Variants in BLTP2 observed in about 807,000 individuals in gnomAD.
The protein encoded by BLTP2 is bridge-like lipid transfer protein family member 2, also known as U937-associated antigen.
the BLTP2 span, among the ~76,000 whole-genome samples, chr17:28,627,230 C>T: frequency 3.3e-5 from 5 of 152,122 alleles, no homozygotes; most frequent in Non-Finnish European, 7.3e-5. Context: ...CTGCTTTGAA[C>T]GCACTAGGCT....
At chr17:28,621,058 T>C in the BLTP2 span, 1 of 1,614,204 alleles carries the variant, frequency 6.2e-7, no homozygotes, top group African/African-American at 1.3e-5. Flanking sequence ...TCTGAGTTGC[T>C]AGTTCAGGAT....
chr17:28,642,612 C>A, the BLTP2 span: 8 of 559,292 alleles, frequency 1.4e-5, no homozygotes, highest in Admixed American at 1.5e-4. Flanking sequence ...GACCGCACCA[C>A]TGCACTCCAG....
At chr17:28,625,766 CTT>C in the BLTP2 span, among the ~76,000 whole-genome samples, 3 of 151,944 alleles carry the variant, frequency 2.0e-5, no homozygotes, top group African/African-American at 7.3e-5. Context: ...GCCCTCAATG[CTT>C]TTTTTTCTTC....
At chr17:28,623,779 C>A in the BLTP2 span, 1 of 1,614,092 alleles carries the variant, frequency 6.2e-7, no homozygotes, top group Non-Finnish European at 8.5e-7. Flanking sequence ...GAGCTGTCGG[C>A]CATCCTGCTC....
At chr17:28,645,050 G>C in the BLTP2 span, 207 of 1,599,846 alleles carry the variant, frequency 1.3e-4, no homozygotes, top group Non-Finnish European at 1.7e-4. Context: ...GAGAAGAACA[G>C]AGGCATTTAG....
chr17:28,640,368 G>A, the BLTP2 span: 40 of 587,086 alleles, frequency 6.8e-5, no homozygotes, highest in South Asian at 7.3e-4. Flanking sequence ...ACTCCAGCCT[G>A]GGCAACAGAG....
the BLTP2 span, chr17:28,635,530 A>G: frequency 6.2e-7 from 1 of 1,614,096 alleles, no homozygotes. Context: ...TCGGCACTGT[A>G]GAGTGGCCAG....
chr17:28,634,393 T>TGC, the BLTP2 span: 7 of 878,146 alleles, frequency 8.0e-6, no homozygotes, highest in Non-Finnish European at 1.1e-5. Context: ...AGCCCACCCA[T>TGC]CCCACTCCAC....
At chr17:28,628,470 T>A in the BLTP2 span, 4 of 1,614,120 alleles carry the variant, frequency 2.5e-6, no homozygotes, top group Admixed American at 6.7e-5. Context: ...AGGCAATGTC[T>A]CGATTGGTAG....
chr17:28,633,060 CAG>C, the BLTP2 span: 1 of 1,592,580 alleles, frequency 6.3e-7, no homozygotes, highest in African/African-American at 1.3e-5. Context: ...CTGGGGCCCG[CAG>C]AGTGACACTA....
chr17:28,614,806 AG>A, the BLTP2 span: 6 of 313,154 alleles, frequency 1.9e-5, no homozygotes, highest in Non-Finnish European at 3.5e-5. Flanking sequence ...CCAAGGGAAT[AG>A]GGTCCTGCCC....
the BLTP2 span, chr17:28,632,956 G>A: frequency 6.5e-7 from 1 of 1,537,356 alleles, no homozygotes; most frequent in East Asian, 2.3e-5. Context: ...ACTGTGCCGA[G>A]TCAGATCCAT....
At chr17:28,625,122 G>T in the BLTP2 span, among the ~76,000 whole-genome samples, 63 of 152,138 alleles carry the variant, frequency 4.1e-4, 1 homozygote, top group South Asian at 5.8e-3. Context: ...CAGATCACGA[G>T]GTCAGGATAT....
chr17:28,631,466 TG>T, the BLTP2 span: 1 of 1,610,970 alleles, frequency 6.2e-7, no homozygotes, highest in Non-Finnish European at 8.5e-7. Flanking sequence ...AAAGAAAGTG[TG>T]TCAGGGAGTA....
the BLTP2 span, chr17:28,645,111 C>G: frequency 6.6e-7 from 1 of 1,505,492 alleles, no homozygotes; most frequent in South Asian, 1.2e-5. Flanking sequence ...CGGGCCCCGA[C>G]GCCGGATCCG....
chr17:28,642,850 T>C, the BLTP2 span: 23 of 1,378,832 alleles, frequency 1.7e-5, no homozygotes, highest in Admixed American at 2.9e-4. Context: ...GGCTAGATCC[T>C]CTGCTCCCCA....
chr17:28,635,033 G>C, the BLTP2 span: 1 of 1,613,490 alleles, frequency 6.2e-7, no homozygotes, highest in Non-Finnish European at 8.5e-7. Flanking sequence ...GTCCCTTGAT[G>C]TAGTCCCTTC....
the BLTP2 span, chr17:28,642,191 A>G: frequency 3.2e-6 from 5 of 1,576,464 alleles, no homozygotes; most frequent in Non-Finnish European, 3.5e-6. Context: ...CTAAGGTCAA[A>G]GAACCTAGGA....
At chr17:28,631,896 G>T in the BLTP2 span, 11 of 1,613,996 alleles carry the variant, frequency 6.8e-6, no homozygotes, top group East Asian at 1.3e-4. Flanking sequence ...CCCGTTGCTG[G>T]GCAAATGAGG....
Sources: gnomAD v4.1 joint callset for allele counts (sites outside exome capture counted in the v4.1 genomes callset) on GRCh38, gnomAD v4.1.1 for gene constraint, MANE v1.5 for transcripts, NCBI Gene and HGNC (gene_info 2026-07-23, HGNC 2026-07-21) for gene names.